The following PCDHGB5 variants were observed in gnomAD, a reference collection of about 807,000 sequenced individuals.
The protein encoded by PCDHGB5 is protocadherin gamma-B5.
In PCDHGB5, 48 loss-of-function variants were observed where a neutral mutation model predicts 62.9. The observed-to-expected ratio is 0.76, with a 90% CI of 0.61 to 0.97. PCDHGB5 has a LOEUF of 0.97. Among genes scored for constraint, PCDHGB5 ranks in the 50% least tolerant of loss-of-function variants. The probability of loss-of-function intolerance (pLI) is 0.00; values close to 1 mark genes in which losing one functional copy is unlikely to be tolerated. For missense variants in PCDHGB5, 1,118 were observed against 1,198.6 expected, an observed-to-expected ratio of 0.93 and a Z score of 0.99; for synonymous variants, 474 against 511.2, an observed-to-expected ratio of 0.93 and a Z score of 0.98.
rs1561664724 is a variant in PCDHGB5 at position 141,398,505 on chromosome 5, T to A, written c.378T>A (p.Ile126=). ...ACGTGAATGTGGAGATCGAGGACATTAATGACCACACGCCAAAATTCACGC... is the reference window on the plus strand; with the variant it reads ...ACGTGAATGTGGAGATCGAGGACATAAATGACCACACGCCAAAATTCACGC... The part of the protein sequence containing the change: ...FYHVNVEIED[I]NDHTPKFTQN... The change falls in exon 1 of 4, where the codon ATT becomes ATA. Residue 126 remains isoleucine (I), a synonymous_variant. Transcript: ENST00000617380. 7 of 1,598,768 alleles carry A rather than the reference T, an allele frequency of 4.4e-6. No homozygotes were observed. The highest frequency in any genetic ancestry group is 6.0e-6 in the Non-Finnish European group (7 of 1,172,940).
intron 1 of PCDHGB5, among the ~76,000 whole-genome samples, chr5:141,406,328 C>T (rs1235799294): frequency 1.3e-5 from 2 of 152,062 alleles, no homozygotes; most frequent in Non-Finnish European, 2.9e-5. Context: ...ATTCTTACTC[C>T]TACGATCATT....
rs1207647899 is a variant in PCDHGB5, at chr5:141,491,938, C to T, written c.2398-2869C>T. The T allele has an allele frequency of 1.6e-5, 19 of 1,199,190 alleles. No homozygotes were observed. Among genetic ancestry groups the T allele is most frequent in the Non-Finnish European group, 2.1e-5 (18 of 875,372 alleles). 74.3% of individuals were successfully genotyped at this position (1,199,190 alleles called of 1,614,324 possible). ...TGTGGGCGAGGGGAGGTGGGACCGA[C>T]CCCCACCCCTACACTCAAAAAAGGC... is the stretch of plus-strand genomic sequence containing the variant. On this transcript the variant is annotated intron_variant, in intron 1 of 3. Coordinates refer to ENST00000617380, the MANE Select transcript of PCDHGB5 (RefSeq NM_018925.3). This position sits in a 1 kb window ranked among gnomAD's most constrained non-coding sequence, Gnocchi z 6.9.
rs61612330 is a variant in PCDHGB5, at chr5:141,454,796, A to ATTTTTTT, written c.2398-39988_2398-39982dup. On this transcript the variant is annotated intron_variant, in intron 1 of 3. Transcript: ENST00000617380. Reference sequence around the variant, plus strand: ...AAGGAAATAATCCTCCATGGTTCTAATTTTTTTTTTTTTTTTTTTTTTTTT... The same window carrying ATTTTTTT: ...AAGGAAATAATCCTCCATGGTTCTAATTTTTTTTTTTTTTTTTTTTTTTTTTTTTTTT... Among the ~76,000 whole-genome samples the ATTTTTTT allele has an allele frequency of 2.6e-3, 198 of 77,448 alleles. 27 individuals are homozygous for ATTTTTTT. The highest frequency in any genetic ancestry group is 8.4e-3 in the African/African-American group (141 of 16,874). The allele number at this position is 77,448 out of a possible 152,430, so 50.8% of individuals were successfully genotyped here. A position where few individuals can be genotyped will look rare whatever the true frequency, so the allele number is the denominator to read the frequency against.
rs2099609528 is a variant in PCDHGB5 at position 141,485,211 on chromosome 5, G to A, written c.2398-9596G>A. 6.2e-7 allele frequency: 1 copy of A among 1,614,126 alleles called. No individual in the cohort carries two copies. The highest frequency in any genetic ancestry group is 8.5e-7 in the Non-Finnish European group (1 of 1,179,980). Reference sequence around the variant, plus strand: ...GTGAGAAGCTGGACAGAAATCTGGCGGTGGGCTACCCTTTTGTTCCTCTTT... The same window carrying A: ...GTGAGAAGCTGGACAGAAATCTGGCAGTGGGCTACCCTTTTGTTCCTCTTT... On this transcript the variant is annotated intron_variant, in intron 1 of 3. Transcript: ENST00000617380. This position sits in a 1 kb window ranked among gnomAD's most constrained non-coding sequence, Gnocchi z 5.7.
At chr5:141,488,198 GGACTC>G in intron 1 of PCDHGB5, among the ~76,000 whole-genome samples, 1 of 152,166 alleles carries the variant, frequency 6.6e-6, no homozygotes, top group Non-Finnish European at 1.5e-5. Context: ...CTGGGTCTTA[GGACTC>G]ATATCAAGTC....
intron 1 of PCDHGB5, chr5:141,478,893 T>G (rs1469313900): frequency 1.8e-6 from 2 of 1,102,894 alleles, no homozygotes; most frequent in Admixed American, 3.1e-5. Flanking sequence ...TCATTTACAT[T>G]AGGAATAAGC....
At chr5:141,501,883 G>A (rs1204174131) in intron 2 of PCDHGB5, among the ~76,000 whole-genome samples, 1 of 152,022 alleles carries the variant, frequency 6.6e-6, no homozygotes, top group African/African-American at 2.4e-5. Flanking sequence ...TTACACTCCT[G>A]ATCATCATGG....
At chr5:141,423,711 T>C (rs1479409204) in intron 1 of PCDHGB5, 1 of 1,330,004 alleles carries the variant, frequency 7.5e-7, no homozygotes, top group Non-Finnish European at 9.6e-7. Flanking sequence ...GCACAAGTCT[T>C]TTAAGGAGAT....
At position 141,489,062 on chromosome 5, in the gene PCDHGB5, C is replaced by G. The variant is rs1466124551; in HGVS notation, c.2398-5745C>G. Reference sequence around the variant, plus strand: ...GCTCCACTCAAATTCAGCTCCCCTCCCCCCTGCCCACCCCCGCCACTCGGT... The same window carrying G: ...GCTCCACTCAAATTCAGCTCCCCTCGCCCCTGCCCACCCCCGCCACTCGGT... On this transcript the variant is annotated intron_variant, in intron 1 of 3. Transcript: ENST00000617380. This position sits in a 1 kb window ranked among gnomAD's most constrained non-coding sequence, Gnocchi z 4.5. 5.3e-6 allele frequency: 2 copies of G among 378,914 alleles called. No homozygotes were observed. Among genetic ancestry groups the G allele is most frequent in the Non-Finnish European group, 9.5e-6 (2 of 209,830 alleles). 23.5% of individuals were successfully genotyped at this position (378,914 alleles called of 1,614,324 possible).
intron 1 of PCDHGB5, chr5:141,421,199 A>C (rs991814876): frequency 2.0e-6 from 3 of 1,514,716 alleles, no homozygotes; most frequent in Non-Finnish European, 2.6e-6. Context: ...CAGCTCGAGA[A>C]ACCGCGGAAT....
At chr5:141,446,035 A>G (rs1300621298) in intron 1 of PCDHGB5, among the ~76,000 whole-genome samples, 1 of 152,222 alleles carries the variant, frequency 6.6e-6, no homozygotes, top group Non-Finnish European at 1.5e-5. Context: ...CTGGTAAGAA[A>G]TGGAAGAAGA....
In PCDHGB5 at chr5:141,505,419, C is replaced by G. The variant is rs1303924776; in HGVS notation, c.2483C>G (p.Thr828Ser). 6 of 1,614,140 alleles carry G rather than the reference C, an allele frequency of 3.7e-6. No individual in the cohort carries two copies. The highest frequency in any genetic ancestry group is 4.2e-6 in the Non-Finnish European group (5 of 1,180,062). Residue 828 changes from threonine to serine, a missense_variant, in exon 3 of 4, where the codon ACC becomes AGC. Thr to Ser is a moderately conservative substitution (Grantham distance 58). Around this residue, in one of 2 missense-constraint regions of PCDHGB5, gnomAD observed 1,034 missense variants for 1,029.1 expected, o/e 1.00. Coordinates refer to ENST00000617380, the MANE Select transcript of PCDHGB5 (RefSeq NM_018925.3). ...SGSQNGDDTGTWPNNQFDTEM... is the reference protein window; with the variant it reads ...SGSQNGDDTGSWPNNQFDTEM... ...TCCCAAAATGGCGATGACACCGGCACCTGGCCCAACAACCAGTTTGACACA... is the reference window on the plus strand; with the variant it reads ...TCCCAAAATGGCGATGACACCGGCAGCTGGCCCAACAACCAGTTTGACACA...
chr5:141,433,837 C>CAAAAAA (rs56191208), intron 1 of PCDHGB5, among the ~76,000 whole-genome samples: 2 of 111,692 alleles, frequency 1.8e-5, no homozygotes, highest in Non-Finnish European at 3.9e-5. Context: ...AACTCTATCT[C>CAAAAAA]AAAAAAAAAA....
chr5:141,435,066 G>A (rs936110088), intron 1 of PCDHGB5, among the ~76,000 whole-genome samples: 3 of 151,920 alleles, frequency 2.0e-5, no homozygotes, highest in African/African-American at 7.3e-5. Context: ...GCAGTTTTGT[G>A]TAGACCGTCT....
chr5:141,407,200 G>A (rs1054595818), intron 1 of PCDHGB5, among the ~76,000 whole-genome samples: 2 of 152,228 alleles, frequency 1.3e-5, no homozygotes, highest in East Asian at 1.9e-4. Context: ...TTTCAAACAC[G>A]TTTTCCCCCT....
rs374253072 is a variant in PCDHGB5, at chr5:141,476,894, G to A, written c.2398-17913G>A. ...GCGCGTCCTGGAGGATGCACCCTCCGGCACGCGCGTGGTACAAGTCCTTGC... is the reference window on the plus strand; with the variant it reads ...GCGCGTCCTGGAGGATGCACCCTCCAGCACGCGCGTGGTACAAGTCCTTGC... On this transcript the variant is annotated intron_variant, in intron 1 of 3. Transcript: ENST00000617380. The surrounding 1 kb of genome is among the most constrained non-coding windows in gnomAD (Gnocchi z 7.6). 48 of 1,613,834 alleles carry A rather than the reference G, an allele frequency of 3.0e-5. No homozygotes were observed. In the African/African-American group the frequency reaches 5.6e-4, roughly 19 times the overall value.
intron 1 of PCDHGB5, chr5:141,410,614 G>A: frequency 6.2e-7 from 1 of 1,604,858 alleles, no homozygotes; most frequent in South Asian, 1.1e-5. Flanking sequence ...CTGAGACTCT[G>A]ACTTCGGTGA....
At position 141,437,741 on chromosome 5, in the gene PCDHGB5, C is replaced by CTT. The variant is rs35124340; in HGVS notation, c.2397+37231_2397+37232dup. 4.3e-3 allele frequency among the ~76,000 whole-genome samples: 606 copies of CTT among 141,726 alleles called. 5 individuals are homozygous for CTT. The highest frequency in any genetic ancestry group is 0.012 in the Admixed American group (164 of 14,230). 93.0% of individuals were successfully genotyped at this position (141,726 alleles called of 152,430 possible). A position where few individuals can be genotyped will look rare whatever the true frequency, so the allele number is the denominator to read the frequency against. On this transcript the variant is annotated intron_variant, in intron 1 of 3. Transcript: ENST00000617380. ...CTCTAATGTTACACTTTGAGTTCAC[C>CTT]TTTTTTTTTTTTTTTGAGACAGAGT...
intron 1 of PCDHGB5, among the ~76,000 whole-genome samples, chr5:141,458,298 A>G (rs2098942125): frequency 6.6e-6 from 1 of 152,178 alleles, no homozygotes; most frequent in African/African-American, 2.4e-5. Context: ...ATGCTGGTTT[A>G]GATAAAATGA....
Sources: gnomAD v4.1 joint callset for allele counts (sites outside exome capture counted in the v4.1 genomes callset) on GRCh38, gnomAD v4.1.1 for gene constraint, gnomAD v4.1.1 regional missense constraint, Gnocchi (gnomAD v3.1) non-coding constraint, MANE v1.5 for transcripts, NCBI Gene and HGNC (gene_info 2026-07-23, HGNC 2026-07-21) for gene names.